Variants in LARP7 observed in about 807,000 individuals in gnomAD.
The protein encoded by LARP7 is la-related protein 7.
Under a neutral mutation model 69.3 loss-of-function variants are expected in LARP7, and 52 were observed. That is an observed-to-expected ratio of 0.75 (90% CI 0.60 to 0.95). The LOEUF is 0.95. Ranked by LOEUF, LARP7 falls within the 40% of genes least tolerant of loss-of-function variation. The pLI is 0.00. For synonymous variants in LARP7, 254 were observed against 215.9 expected (o/e 1.18, Z -1.55); for missense variants, 733 against 673.0 (o/e 1.09, Z -0.99).
intron 1 of LARP7, among the ~76,000 whole-genome samples, chr4:112,643,299 C>T (rs1008883511): frequency 3.9e-5 from 6 of 152,044 alleles, no homozygotes; most frequent in African/African-American, 7.3e-5. Context: ...GGGAGGGGAC[C>T]GCACTGAGGT....
At chr4:112,651,280 C>A (rs1246981024) in intron 10 of LARP7, among the ~76,000 whole-genome samples, 2 of 152,144 alleles carry the variant, frequency 1.3e-5, no homozygotes. Context: ...ACTCATCAGT[C>A]ACAGGTTTTA....
At chr4:112,641,808 T>C (rs1578556299) in intron 1 of LARP7, among the ~76,000 whole-genome samples, 1 of 152,196 alleles carries the variant, frequency 6.6e-6, no homozygotes, top group East Asian at 1.9e-4. Flanking sequence ...TTTTGAGATA[T>C]CCTTTAGATA....
At chr4:112,654,934 TGTTAG>T (rs1248160772) in intron 12 of LARP7, among the ~76,000 whole-genome samples, 1 of 152,008 alleles carries the variant, frequency 6.6e-6, no homozygotes, top group Non-Finnish European at 1.5e-5. Flanking sequence ...CTTCCTTTTT[TGTTAG>T]GTGAGCAAGT....
rs543300882 is a variant in LARP7 at position 112,639,991 on chromosome 4, T to C, written c.-3+2752T>C. On this transcript the variant is annotated intron_variant, in intron 1 of 12. Transcript: ENST00000344442. The stretch of plus-strand genomic sequence containing the variant: ...ACTGAATCTGTCTCCCAGACTGGAG[T>C]GCAGTGGTACGATCTCGAATCACTG... 3.9e-5 allele frequency among the ~76,000 whole-genome samples: 6 copies of C among 152,228 alleles called. No individual in the cohort carries two copies. The East Asian group carries it at 1.2e-3, about 29-fold the overall frequency.
intron 8 of LARP7, 151 bp from the exon 9 acceptor site, chr4:112,649,384 A>G (rs957696020): frequency 3.5e-6 from 2 of 572,030 alleles, no homozygotes; most frequent in Non-Finnish European, 5.8e-6. Context: ...AAATGTCTTT[A>G]GAACCTAGGA....
chr4:112,646,820 C>T lies in LARP7; in HGVS notation c.417C>T (p.Ser139=), dbSNP rs774897137. Residue 139 remains serine (S), a synonymous_variant, in exon 5 of 13, where the codon AGC becomes AGT. Transcript: ENST00000344442. The part of the protein sequence containing the change: ...VELLPKNVNH[S]WIERVFGKCG... The stretch of plus-strand genomic sequence containing the variant: ...TACTTCCCAAAAATGTTAATCACAG[C>T]TGGATTGAAAGAGTATTTGGGAAAT... 7 of 1,599,612 alleles carry T rather than the reference C, an allele frequency of 4.4e-6. No homozygotes were observed. Among genetic ancestry groups the T allele is most frequent in the Non-Finnish European group, 6.0e-6 (7 of 1,176,020 alleles).
chr4:112,655,032 C>T (rs940624369), intron 12 of LARP7, among the ~76,000 whole-genome samples: 1 of 149,604 alleles, frequency 6.7e-6, no homozygotes, highest in Non-Finnish European at 1.5e-5. Flanking sequence ...ACTTAAAAAG[C>T]AAGTGTTTTT....
rs1448302819 is a variant in LARP7, at chr4:112,644,871, TG to T, written c.202+1del. 6.5e-7 allele frequency: 1 copy of T among 1,548,446 alleles called. No homozygotes were observed. Among genetic ancestry groups the T allele is most frequent in the Non-Finnish European group, 8.7e-7 (1 of 1,143,888 alleles). On this transcript the variant is annotated splice_donor_variant, in intron 2 of 12. Coordinates refer to ENST00000344442, the MANE Select transcript of LARP7 (RefSeq NM_016648.4). LOFTEE classifies it high-confidence loss of function. ...ACAGATAGAAAAATCTAGAGATGGA[TG>T]TAAGTTTGCTTCAGTAAAGGAACCA...
intron 1 of LARP7, among the ~76,000 whole-genome samples, chr4:112,640,441 C>T (rs2047917011): frequency 6.6e-6 from 1 of 152,196 alleles, no homozygotes; most frequent in Admixed American, 6.5e-5. Context: ...GTAGCTCACA[C>T]CTGTAATCTC....
intron 12 of LARP7, 142 bp from the exon 13 acceptor site, chr4:112,657,102 ATCT>A (rs779332308): frequency 1.4e-5 from 6 of 428,250 alleles, no homozygotes; most frequent in East Asian, 3.5e-5. Context: ...CTCATTTGTC[ATCT>A]TCTCGCTGTT....
At chr4:112,637,744 A>G (rs139579370) in intron 1 of LARP7, 1 of 152,368 alleles carries the variant, frequency 6.6e-6, no homozygotes, top group African/African-American at 2.4e-5. Flanking sequence ...GAAACTTAAG[A>G]GAAAACAAAT....
At position 112,644,790 on chromosome 4, in the gene LARP7, C is replaced by G; in HGVS notation, c.121C>G (p.Gln41Glu). Residue 41 changes from glutamine to glutamate, a missense_variant, in exon 2 of 13, where the codon CAA becomes GAA. Transcript: ENST00000344442. Reference protein sequence around the residue: ...VKQVLADIAKQVDFWFGDANL... With the variant: ...VKQVLADIAKEVDFWFGDANL... The stretch of plus-strand genomic sequence containing the variant: ...ACAGGTGCTTGCAGATATTGCTAAG[C>G]AAGTGGACTTCTGGTTTGGGGATGC... 6.2e-7 allele frequency: 1 copy of G among 1,608,376 alleles called. No homozygotes were observed. The highest frequency in any genetic ancestry group is 8.5e-7 in the Non-Finnish European group (1 of 1,176,304).
intron 7 of LARP7, 28 bp from the exon 8 acceptor site, chr4:112,647,662 A>C: frequency 6.6e-7 from 1 of 1,507,204 alleles, no homozygotes; most frequent in Non-Finnish European, 8.8e-7. Context: ...CCCATGTCTT[A>C]ACGGAGAGCT....
intron 3 of LARP7, 60 bp downstream of exon 3, chr4:112,646,511 C>A: frequency 7.9e-7 from 1 of 1,260,854 alleles, no homozygotes; most frequent in Non-Finnish European, 1.1e-6. Flanking sequence ...AGAATGTTAA[C>A]GTAATGATTA....
intron 1 of LARP7, among the ~76,000 whole-genome samples, chr4:112,639,538 C>CT (rs11396887): frequency 0.039 from 5,816 of 147,858 alleles, 213 homozygotes; most frequent in East Asian, 0.2. Flanking sequence ...CCAAGTGTTA[C>CT]TTTTTTTTTT....
At chr4:112,637,533 C>T (rs1438744593) in intron 1 of LARP7, 1 of 152,270 alleles carries the variant, frequency 6.6e-6, no homozygotes, top group Non-Finnish European at 1.5e-5. Flanking sequence ...CCGAGAGAAG[C>T]AGTAGTCAAT....
At chr4:112,647,611 A>AATTAGTTTTTAATTC in intron 7 of LARP7, 62 bp downstream of exon 7, 2 of 1,470,714 alleles carry the variant, frequency 1.4e-6, no homozygotes, top group South Asian at 1.5e-5. Flanking sequence ...GTTTTTAATT[A>AATTAGTTTTTAATTC]ATTAGGTTTT....
intron 4 of LARP7, 48 bp from the exon 5 acceptor site, chr4:112,646,743 G>A: frequency 6.4e-7 from 1 of 1,552,160 alleles, no homozygotes; most frequent in Non-Finnish European, 8.7e-7. Flanking sequence ...AAAATTTATT[G>A]ACATTCTGAT....
intron 12 of LARP7, 46 bp from the exon 13 acceptor site, chr4:112,657,201 T>TG (rs397972014): frequency 1.1e-4 from 103 of 953,994 alleles, no homozygotes; most frequent in East Asian, 3.2e-4. Flanking sequence ...TGTGTGTGTG[T>TG]TTTGAGTATC....
Sources: allele counts gnomAD v4.1 joint callset (sites outside exome capture counted in the v4.1 genomes callset), GRCh38; gene constraint gnomAD v4.1.1; transcripts MANE v1.5; gene names NCBI Gene and HGNC (gene_info 2026-07-23, HGNC 2026-07-21).